EML4: variants seen among roughly 807,000 people sequenced by gnomAD.
EML4 encodes EMAP like 4.
Under a neutral mutation model 129.0 loss-of-function variants are expected in EML4, and 72 were observed. The ratio of observed to expected loss-of-function variants is 0.56; its 90% CI spans 0.46 to 0.68. EML4 has a LOEUF of 0.68. Ranked by LOEUF, EML4 falls within the 30% of genes least tolerant of loss-of-function variation. The probability of loss-of-function intolerance (pLI) is 0.00; values close to 1 mark genes in which losing one functional copy is unlikely to be tolerated. For missense variants in EML4, 1,363 were observed against 1,190.6 expected, an observed-to-expected ratio of 1.14 and a Z score of -2.13; for synonymous variants, 532 against 405.0, an observed-to-expected ratio of 1.31 and a Z score of -3.77.
At chr2:42,203,281 G>T (rs549653305) in intron 1 of EML4, among the ~76,000 whole-genome samples, 2 of 152,254 alleles carry the variant, frequency 1.3e-5, no homozygotes, top group South Asian at 2.1e-4. Flanking sequence ...GGTAAGTTTG[G>T]TTTTTTCCCC....
intron 21 of EML4, among the ~76,000 whole-genome samples, chr2:42,328,048 G>T (rs185471640): frequency 1.4e-3 from 217 of 152,272 alleles, no homozygotes; most frequent in African/African-American, 5.0e-3. Context: ...ATTATTCTAC[G>T]TGAAAATGAA....
At chr2:42,284,799 T>G (rs1572688614) in intron 9 of EML4, 96 bp downstream of exon 9, 2 of 886,088 alleles carry the variant, frequency 2.3e-6, no homozygotes, top group East Asian at 5.7e-5. Flanking sequence ...GTTTTATTCT[T>G]TTAAAATTTA....
intron 1 of EML4, among the ~76,000 whole-genome samples, chr2:42,173,255 G>T (rs994258937): frequency 6.6e-6 from 1 of 151,842 alleles, no homozygotes; most frequent in African/African-American, 2.4e-5. Flanking sequence ...TTAATCTAAA[G>T]CATTCCTTAT....
At chr2:42,233,377 C>G (rs1470840614) in intron 1 of EML4, among the ~76,000 whole-genome samples, 1 of 151,352 alleles carries the variant, frequency 6.6e-6, no homozygotes, top group Non-Finnish European at 1.5e-5. Context: ...GCGATCTCAG[C>G]TCCCTGCAAG....
intron 2 of EML4, among the ~76,000 whole-genome samples, chr2:42,249,014 A>G (rs1228436793): frequency 6.6e-6 from 1 of 152,136 alleles, no homozygotes; most frequent in African/African-American, 2.4e-5. Context: ...TTTATCTTGG[A>G]GTTTATTTAT....
At chr2:42,304,452 T>C in intron 16 of EML4, 32 bp from the exon 17 acceptor site, 1 of 1,582,166 alleles carries the variant, frequency 6.3e-7, no homozygotes, top group Non-Finnish European at 8.7e-7. Flanking sequence ...CTTTCTCATG[T>C]ACTCCCCAAC....
chr2:42,265,089 T>C, intron 6 of EML4: 1 of 832,956 alleles, frequency 1.2e-6, no homozygotes, highest in Non-Finnish European at 1.9e-6. Flanking sequence ...TGAATCCAGC[T>C]ACATTTTACT....
rs566896394 is a variant in EML4, at chr2:42,193,718, G to C, written c.25+24082G>C. On this transcript the variant is annotated intron_variant, in intron 1 of 22. Coordinates refer to ENST00000318522, the MANE Select transcript of EML4 (RefSeq NM_019063.5). ...CTTTTCTTAATGAAGTGGGGTCTTGGTATGTCACCTAGGCTGTTGTGCAGC... is the reference window on the plus strand; with the variant it reads ...CTTTTCTTAATGAAGTGGGGTCTTGCTATGTCACCTAGGCTGTTGTGCAGC... Among the ~76,000 whole-genome samples the C allele has an allele frequency of 1.3e-4, 19 of 151,554 alleles. No homozygotes were observed. The East Asian group carries it at 3.7e-3, about 29-fold the overall frequency.
chr2:42,178,413 G>A (rs546708231), intron 1 of EML4, among the ~76,000 whole-genome samples: 6 of 151,910 alleles, frequency 3.9e-5, no homozygotes, highest in Non-Finnish European at 7.4e-5. Context: ...TTAGCTGAAC[G>A]TGGTGGTGCA....
chr2:42,303,943 G>A (rs1267945935), intron 16 of EML4, among the ~76,000 whole-genome samples: 1 of 152,156 alleles, frequency 6.6e-6, no homozygotes, highest in Non-Finnish European at 1.5e-5. Context: ...AAAAATAGAA[G>A]AAGTAAGTTA....
chr2:42,284,008 A>G (rs1037615224), intron 8 of EML4, among the ~76,000 whole-genome samples: 3 of 152,234 alleles, frequency 2.0e-5, no homozygotes, highest in Non-Finnish European at 4.4e-5. Flanking sequence ...GAAATTTGCT[A>G]GTCACTCATA....
At chr2:42,315,903 C>CT (rs1051977039) in intron 17 of EML4, 59 bp from the exon 18 acceptor site, 1,299 of 1,263,348 alleles carry the variant, frequency 1.0e-3, no homozygotes, top group Non-Finnish European at 1.2e-3. Flanking sequence ...AAAAGAACAA[C>CT]TTTTTTTTTC....
Position 42,260,457 on chromosome 2 carries a change from C to T in EML4, c.339-664C>T, listed in dbSNP as rs1204751348. Among the ~76,000 whole-genome samples, 2 of 152,328 alleles carry T rather than the reference C, an allele frequency of 1.3e-5. 1 individual carries two copies. Among genetic ancestry groups the T allele is most frequent in the South Asian group, 4.1e-4 (2 of 4,830 alleles). ...CTTGGATTACAGGCGTGAGCCAGTG[C>T]GCCCAGCCGCCTCTGTGATTTTTTA... is the stretch of plus-strand genomic sequence containing the variant. On this transcript the variant is annotated intron_variant, in intron 3 of 22. Coordinates refer to ENST00000318522, the MANE Select transcript of EML4 (RefSeq NM_019063.5).
At chr2:42,305,434 T>C (rs1413596350) in intron 17 of EML4, among the ~76,000 whole-genome samples, 1 of 152,170 alleles carries the variant, frequency 6.6e-6, no homozygotes, top group African/African-American at 2.4e-5. Flanking sequence ...AGAAAATTTC[T>C]CTCCTCATCT....
At chr2:42,205,054 C>A (rs1018129204) in intron 1 of EML4, among the ~76,000 whole-genome samples, 3 of 152,018 alleles carry the variant, frequency 2.0e-5, no homozygotes, top group African/African-American at 7.2e-5. Context: ...AACTTTGATT[C>A]GAGGTCTTTT....
chr2:42,272,192 T>G (rs1252746274), intron 6 of EML4, among the ~76,000 whole-genome samples: 1 of 152,124 alleles, frequency 6.6e-6, no homozygotes, highest in Non-Finnish European at 1.5e-5. Flanking sequence ...ATGCTAAAAT[T>G]TGTGATTAGC....
At chr2:42,223,477 G>C (rs914554228) in intron 1 of EML4, among the ~76,000 whole-genome samples, 1 of 152,052 alleles carries the variant, frequency 6.6e-6, no homozygotes, top group African/African-American at 2.4e-5. Context: ...GAAGTTTAAC[G>C]ATTATCTCTG....
At chr2:42,238,700 C>G (rs1674836449) in intron 1 of EML4, among the ~76,000 whole-genome samples, 1 of 152,092 alleles carries the variant, frequency 6.6e-6, no homozygotes, top group Non-Finnish European at 1.5e-5. Flanking sequence ...TCACTGCAGC[C>G]TTGAACTGGG....
intron 21 of EML4, among the ~76,000 whole-genome samples, chr2:42,327,390 CTGTA>C (rs1361342334): frequency 1.3e-5 from 2 of 152,198 alleles, no homozygotes; most frequent in African/African-American, 2.4e-5. Context: ...CAAATGGTAA[CTGTA>C]TGTTTACTCT....
Sources: allele counts gnomAD v4.1 joint callset (sites outside exome capture counted in the v4.1 genomes callset), GRCh38; gene constraint gnomAD v4.1.1; transcripts MANE v1.5; gene names NCBI Gene and HGNC (gene_info 2026-07-23, HGNC 2026-07-21).